The following PLD5 variants were observed in gnomAD, a reference collection of about 807,000 sequenced individuals.
The protein encoded by PLD5 is inactive phospholipase D5.
PLD5 carries 36 observed loss-of-function variants against 61.1 expected under a neutral mutation model. The observed-to-expected ratio is 0.59, with a 90% CI of 0.45 to 0.78. PLD5 has a LOEUF of 0.78. PLD5 is among the 30% of genes least tolerant of loss of function. The probability of loss-of-function intolerance (pLI) is 0.00; values close to 1 mark genes in which losing one functional copy is unlikely to be tolerated. For missense variants in PLD5, 515 were observed against 644.4 expected, an observed-to-expected ratio of 0.80 and a Z score of 2.17; for synonymous variants, 243 against 242.8, an observed-to-expected ratio of 1.00 and a Z score of -0.01.
chr1:242,377,803 A>G (rs557478306), intron 1 of PLD5, among the ~76,000 whole-genome samples: 1 of 152,230 alleles, frequency 6.6e-6, no homozygotes. Flanking sequence ...AAAAATGCAA[A>G]TCAAAACCAC....
At chr1:242,371,300 C>T (rs570986894) in intron 1 of PLD5, among the ~76,000 whole-genome samples, 94 of 152,084 alleles carry the variant, frequency 6.2e-4, no homozygotes, top group Admixed American at 9.2e-4. Flanking sequence ...CTAACTTTGC[C>T]GTCAGTACAG....
chr1:242,184,088 G>A (rs769246001), intron 5 of PLD5, among the ~76,000 whole-genome samples: 6 of 152,140 alleles, frequency 3.9e-5, no homozygotes, highest in Non-Finnish European at 7.4e-5. Flanking sequence ...GCACTGCACA[G>A]CTTTTCAAAC....
intron 3 of PLD5, among the ~76,000 whole-genome samples, chr1:242,286,807 C>G: frequency 6.6e-6 from 1 of 152,106 alleles, no homozygotes; most frequent in Non-Finnish European, 1.5e-5. Context: ...CCAAAGAGCC[C>G]ACGTAAGAGC....
intron 5 of PLD5, among the ~76,000 whole-genome samples, chr1:242,188,195 C>T (rs906849471): frequency 3.9e-5 from 6 of 151,908 alleles, no homozygotes; most frequent in Non-Finnish European, 7.4e-5. Context: ...GATCACAGAG[C>T]GGCAAGAGGG....
At position 242,515,219 on chromosome 1, in the gene PLD5, TGA is replaced by T. The variant is rs372842417; in HGVS notation, c.189+8867_189+8868del. ...GTGTGCGTGTGTGTGTGTGTGTGTGTGAGAGAGAGAGAGTGTGTGTATCACTA... is the reference window on the plus strand; with the variant it reads ...GTGTGCGTGTGTGTGTGTGTGTGTGTGAGAGAGAGAGTGTGTGTATCACTA... On this transcript the variant is annotated intron_variant, in intron 1 of 9. Coordinates refer to ENST00000536534, the MANE Select transcript of PLD5 (RefSeq NM_001372062.1). Among the ~76,000 whole-genome samples, 1,029 of 150,826 alleles carry T rather than the reference TGA, an allele frequency of 6.8e-3. 15 individuals are homozygous for T. Among genetic ancestry groups the T allele is most frequent in the African/African-American group, 0.02 (838 of 41,002 alleles).
intron 8 of PLD5, among the ~76,000 whole-genome samples, chr1:242,102,991 A>G (rs1311068642): frequency 2.0e-5 from 3 of 152,204 alleles, no homozygotes; most frequent in Non-Finnish European, 4.4e-5. Flanking sequence ...TTCACGCCCT[A>G]GAAGTTTTGA....
At chr1:242,269,159 T>A (rs1489228639) in intron 3 of PLD5, among the ~76,000 whole-genome samples, 2 of 152,192 alleles carry the variant, frequency 1.3e-5, no homozygotes, top group African/African-American at 2.4e-5. Flanking sequence ...ATCATTTTTT[T>A]AATAAGAAAT....
At chr1:242,411,433 C>T (rs1451805624) in intron 1 of PLD5, among the ~76,000 whole-genome samples, 2 of 152,018 alleles carry the variant, frequency 1.3e-5, no homozygotes, top group Admixed American at 6.6e-5. Context: ...GGCGGGGTTT[C>T]ACCGTGTTAG....
chr1:242,275,438 G>C (rs1362739174), intron 3 of PLD5, among the ~76,000 whole-genome samples: 1 of 152,072 alleles, frequency 6.6e-6, no homozygotes, highest in East Asian at 1.9e-4. Flanking sequence ...GTTTGCCACA[G>C]ATATAAGTAT....
rs76452772 is a variant in PLD5, at chr1:242,307,538, T to A, written c.327-19008A>T. Reference sequence around the variant, plus strand: ...ACTGTGTCACGTATTGGGCCCAGAGTCACAAGTTAGTAGCAGAACCAGTTT... The same window carrying A: ...ACTGTGTCACGTATTGGGCCCAGAGACACAAGTTAGTAGCAGAACCAGTTT... On this transcript the variant is annotated intron_variant, in intron 2 of 9. Coordinates refer to ENST00000536534, the MANE Select transcript of PLD5 (RefSeq NM_001372062.1). Among the ~76,000 whole-genome samples, 649 of 152,150 alleles carry A rather than the reference T, an allele frequency of 4.3e-3. 4 individuals are homozygous for A. The highest frequency in any genetic ancestry group is 5.9e-3 in the Non-Finnish European group (401 of 68,004).
intron 1 of PLD5, among the ~76,000 whole-genome samples, chr1:242,453,882 T>C (rs1218250130): frequency 2.6e-5 from 4 of 152,182 alleles, no homozygotes; most frequent in Non-Finnish European, 4.4e-5. Flanking sequence ...ACTACCTATG[T>C]ATTTTTGCCT....
chr1:242,108,805 C>T (rs1661264309), intron 7 of PLD5, among the ~76,000 whole-genome samples: 1 of 152,122 alleles, frequency 6.6e-6, no homozygotes, highest in Non-Finnish European at 1.5e-5. Flanking sequence ...ATGATCATTG[C>T]ACCTCTAAAG....
intron 1 of PLD5, among the ~76,000 whole-genome samples, chr1:242,399,281 C>T (rs1663786202): frequency 6.6e-6 from 1 of 152,166 alleles, no homozygotes; most frequent in African/African-American, 2.4e-5. Context: ...GAGGTTTTCT[C>T]AGCGTGAGTA....
At chr1:242,231,783 C>A (rs1236031072) in intron 4 of PLD5, among the ~76,000 whole-genome samples, 1 of 151,820 alleles carries the variant, frequency 6.6e-6, no homozygotes, top group Non-Finnish European at 1.5e-5. Flanking sequence ...GAAATAATAA[C>A]CTGGATGTTT....
At chr1:242,388,293 G>A (rs553370587) in intron 1 of PLD5, among the ~76,000 whole-genome samples, 1 of 152,316 alleles carries the variant, frequency 6.6e-6, no homozygotes, top group East Asian at 1.9e-4. Context: ...GGATGGCTGT[G>A]CCGTGATGAG....
At chr1:242,143,730 G>T (rs1012766578) in intron 5 of PLD5, among the ~76,000 whole-genome samples, 23 of 152,156 alleles carry the variant, frequency 1.5e-4, no homozygotes, top group African/African-American at 5.6e-4. Context: ...CTGCCTCAGG[G>T]ACCAGAACAA....
chr1:242,383,828 A>G (rs907416631), intron 1 of PLD5, among the ~76,000 whole-genome samples: 1 of 152,194 alleles, frequency 6.6e-6, no homozygotes, highest in African/African-American at 2.4e-5. Flanking sequence ...GACTTTGGAA[A>G]AGACCCACTG....
At chr1:242,241,154 A>C (rs395507) in intron 4 of PLD5, among the ~76,000 whole-genome samples, 44,063 of 151,794 alleles carry the variant, frequency 0.29, 7,775 homozygotes, top group African/African-American at 0.5. Context: ...ACAGAAAGGT[A>C]TGGGTTTTCT....
chr1:242,104,513 C>T (rs1157554196), intron 8 of PLD5, among the ~76,000 whole-genome samples: 2 of 152,070 alleles, frequency 1.3e-5, no homozygotes, highest in African/African-American at 4.8e-5. Flanking sequence ...CATGCAGACG[C>T]CATGGAGACA....
Sources: gnomAD v4.1 joint callset for allele counts (sites outside exome capture counted in the v4.1 genomes callset) on GRCh38, gnomAD v4.1.1 for gene constraint, MANE v1.5 for transcripts, NCBI Gene and HGNC (gene_info 2026-07-23, HGNC 2026-07-21) for gene names.